Variants in CYTH1 observed in about 807,000 individuals in gnomAD.
CYTH1 encodes cytohesin 1, also known as cytohesin-1.
In CYTH1, 18 loss-of-function variants were observed where a neutral mutation model predicts 61.8. That is an observed-to-expected ratio of 0.29 (90% confidence interval 0.20 to 0.43). CYTH1 has a LOEUF of 0.43. CYTH1 is among the 20% of genes least tolerant of loss of function. The pLI is 1.00. For synonymous variants in CYTH1, 174 were observed against 184.3 expected, an observed-to-expected ratio of 0.94 and a Z score of 0.45; for missense variants, 336 against 510.5, an observed-to-expected ratio of 0.66 and a Z score of 3.29.
At chr17:78,769,232 GTAACA>G (rs1348255823) in intron 1 of CYTH1, among the ~76,000 whole-genome samples, 3 of 151,770 alleles carry the variant, frequency 2.0e-5, no homozygotes, top group African/African-American at 7.3e-5. Context: ...TAAGTCCTGT[GTAACA>G]ACACATACTG....
intron 1 of CYTH1, among the ~76,000 whole-genome samples, chr17:78,753,055 T>C (rs186059367): frequency 9.5e-4 from 145 of 152,152 alleles, no homozygotes; most frequent in African/African-American, 3.4e-3. Flanking sequence ...TTAAGGCACA[T>C]GTATGAGTGA....
chr17:78,751,862 T>G (rs954651513), intron 1 of CYTH1, among the ~76,000 whole-genome samples: 1 of 152,214 alleles, frequency 6.6e-6, no homozygotes, highest in Admixed American at 6.5e-5. Context: ...CAGGCTGGAG[T>G]GCAGTGGCAT....
intron 11 of CYTH1, among the ~76,000 whole-genome samples, chr17:78,687,429 C>T (rs1045144539): frequency 2.2e-4 from 34 of 152,178 alleles, no homozygotes; most frequent in African/African-American, 7.2e-4. Flanking sequence ...TTGTCTCAAA[C>T]GTACTTTTAA....
intron 1 of CYTH1, among the ~76,000 whole-genome samples, chr17:78,768,881 G>A (rs971565092): frequency 3.9e-5 from 6 of 152,160 alleles, no homozygotes; most frequent in African/African-American, 9.6e-5. Flanking sequence ...AAGAACGGGC[G>A]CAGTGCCTCA....
intron 1 of CYTH1, among the ~76,000 whole-genome samples, chr17:78,768,425 T>G (rs1905422225): frequency 6.6e-6 from 1 of 152,158 alleles, no homozygotes; most frequent in African/African-American, 2.4e-5. Flanking sequence ...TCTCTCAAAG[T>G]GGACACTGTA....
At chr17:78,690,525 AAAAACAG>A (rs2092873174) in intron 11 of CYTH1, among the ~76,000 whole-genome samples, 1 of 151,542 alleles carries the variant, frequency 6.6e-6, no homozygotes, top group Non-Finnish European at 1.5e-5. Context: ...TCTCTACTTA[AAAAACAG>A]AAAACAAAAC....
At chr17:78,703,496 GTA>G (rs1598853337) in intron 3 of CYTH1, among the ~76,000 whole-genome samples, 1 of 148,724 alleles carries the variant, frequency 6.7e-6, no homozygotes, top group East Asian at 2.0e-4. Flanking sequence ...TGAATTTTTA[GTA>G]TACTTACTAA....
intron 1 of CYTH1, among the ~76,000 whole-genome samples, chr17:78,752,145 T>C (rs1264947037): frequency 6.6e-6 from 1 of 152,208 alleles, no homozygotes; most frequent in African/African-American, 2.4e-5. Flanking sequence ...ATGTTTGAAA[T>C]AAGGACTCCT....
intron 3 of CYTH1, among the ~76,000 whole-genome samples, chr17:78,703,320 G>A (rs1287686024): frequency 1.3e-5 from 2 of 149,144 alleles, no homozygotes; most frequent in Non-Finnish European, 3.0e-5. Flanking sequence ...GCTGAAGCAG[G>A]AGAATCACTT....
intron 7 of CYTH1, among the ~76,000 whole-genome samples, chr17:78,699,946 C>T (rs540249139): frequency 6.6e-6 from 1 of 152,112 alleles, no homozygotes; most frequent in South Asian, 2.1e-4. Context: ...TAAGCCACCA[C>T]ACCTGGCTAA....
chr17:78,711,207 A>G (rs981339717), intron 1 of CYTH1, among the ~76,000 whole-genome samples: 1 of 151,616 alleles, frequency 6.6e-6, no homozygotes, highest in Non-Finnish European at 1.5e-5. Context: ...GGTTGCAGTG[A>G]GCCGAGATCC....
At chr17:78,690,813 G>A (rs1462305794) in intron 11 of CYTH1, among the ~76,000 whole-genome samples, 2 of 152,148 alleles carry the variant, frequency 1.3e-5, no homozygotes, top group Admixed American at 6.5e-5. Context: ...TGGGCATCAC[G>A]AAAAACCACA....
At chr17:78,768,308 T>C (rs1368486704) in intron 1 of CYTH1, among the ~76,000 whole-genome samples, 1 of 152,160 alleles carries the variant, frequency 6.6e-6, no homozygotes, top group East Asian at 1.9e-4. Flanking sequence ...ACGACATCCT[T>C]GGACTCCTCA....
chr17:78,718,216 AATACAC>A (rs1265723515), intron 1 of CYTH1, among the ~76,000 whole-genome samples: 2 of 103,290 alleles, frequency 1.9e-5, no homozygotes, highest in Non-Finnish European at 3.7e-5. Context: ...ATAAACACTG[AATACAC>A]ACACACACAC....
At chr17:78,731,481 C>G (rs1254966335) in intron 1 of CYTH1, among the ~76,000 whole-genome samples, 3 of 152,142 alleles carry the variant, frequency 2.0e-5, no homozygotes, top group African/African-American at 7.2e-5. Context: ...GAAATCTCGT[C>G]GGGCGCGGTG....
intron 13 of CYTH1, chr17:78,677,980 A>T (rs2092718749): frequency 1.3e-5 from 2 of 152,216 alleles, no homozygotes; most frequent in Admixed American, 1.3e-4. Flanking sequence ...AGTGTCCCTC[A>T]TCTGTGAAAT....
intron 12 of CYTH1, among the ~76,000 whole-genome samples, chr17:78,680,718 T>C (rs2092751965): frequency 1.3e-5 from 2 of 152,238 alleles, no homozygotes; most frequent in South Asian, 4.1e-4. Context: ...CCTGCGTGCT[T>C]GCCGCTGCCA....
chr17:78,762,105 A>G (rs2093431324), intron 1 of CYTH1, among the ~76,000 whole-genome samples: 2 of 152,208 alleles, frequency 1.3e-5, no homozygotes, highest in African/African-American at 2.4e-5. Flanking sequence ...TCTTTTTCCT[A>G]TCAAGGTCCA....
intron 10 of CYTH1, among the ~76,000 whole-genome samples, chr17:78,695,186 C>A (rs1465089060): frequency 1.3e-5 from 2 of 152,028 alleles, no homozygotes; most frequent in Non-Finnish European, 2.9e-5. Flanking sequence ...TATGTTTCCC[C>A]AAAAAAACCA....
Sources: allele counts gnomAD v4.1 joint callset (sites outside exome capture counted in the v4.1 genomes callset), GRCh38; gene constraint gnomAD v4.1.1; transcripts MANE v1.5; gene names NCBI Gene and HGNC (gene_info 2026-07-23, HGNC 2026-07-21).